PPP4R3A: variants seen among roughly 807,000 people sequenced by gnomAD.
The protein encoded by PPP4R3A is serine/threonine-protein phosphatase 4 regulatory subunit 3A.
PPP4R3A carries 15 observed loss-of-function variants against 91.7 expected under a neutral mutation model. The observed-to-expected ratio is 0.16, with a 90% CI of 0.11 to 0.25. The LOEUF is 0.25. Among genes scored for constraint, PPP4R3A ranks in the 10% least tolerant of loss-of-function variants. PPP4R3A has a pLI of 1.00. For synonymous variants in PPP4R3A, 377 were observed against 348.7 expected, an observed-to-expected ratio of 1.08 and a Z score of -0.91; for missense variants, 623 against 998.4, an observed-to-expected ratio of 0.62 and a Z score of 5.07.
intron 1 of PPP4R3A, among the ~76,000 whole-genome samples, chr14:91,507,394 T>TATAATTATA (rs1566660222): frequency 5.0e-5 from 3 of 59,668 alleles, no homozygotes; most frequent in Non-Finnish European, 7.2e-5. Context: ...ATATAGTATA[T>TATAATTATA]GTACTATAAT....
In PPP4R3A at chr14:91,460,637, C is replaced by CTTTTTTT. The variant is rs573677740; in HGVS notation, c.2391+737_2391+743dup. On this transcript the variant is annotated intron_variant, in intron 14 of 14. Transcript: ENST00000554943. ...TACATTTTTTCTTAAGATTTTGTTC[C>CTTTTTTT]TTTTTTTTTTTTTTTTTTTGAGATG... 2.7e-4 allele frequency among the ~76,000 whole-genome samples: 30 copies of CTTTTTTT among 111,280 alleles called. 2 individuals are homozygous for CTTTTTTT. The highest frequency in any genetic ancestry group is 9.6e-4 in the Admixed American group (9 of 9,374). 73.0% of individuals were successfully genotyped at this position (111,280 alleles called of 152,430 possible).
rs1567144474 is a variant in PPP4R3A at position 91,462,170 on chromosome 14, C to T, written c.2043G>A (p.Met681Ile). ...DARTLEDEEE[M>I]WFNTDEDDME... Reference sequence around the variant, plus strand: ...TGTCATCTTCATCTGTGTTAAACCACATCTCTTCTTCATCTTCTAGTGTTC... The same window carrying T: ...TGTCATCTTCATCTGTGTTAAACCATATCTCTTCTTCATCTTCTAGTGTTC... The change falls in exon 13 of 15, where the codon ATG becomes ATA. Residue 681 changes from methionine (M) to isoleucine (I), a missense_variant. Physicochemically the swap from Met to Ile is conservative, Grantham distance 10. Coordinates refer to ENST00000554943, the MANE Select transcript of PPP4R3A (RefSeq NM_001366432.2). The T allele has an allele frequency of 6.2e-7, 1 of 1,608,678 alleles. No individual in the cohort carries two copies. Among genetic ancestry groups the T allele is most frequent in the Non-Finnish European group, 8.5e-7 (1 of 1,178,272 alleles).
intron 14 of PPP4R3A, 44 bp from the exon 15 acceptor site, chr14:91,458,913 T>C (rs746633928): frequency 5.9e-6 from 9 of 1,531,992 alleles, no homozygotes; most frequent in African/African-American, 2.8e-5. Flanking sequence ...AAATAAAACA[T>C]ATAAAAACAC....
intron 14 of PPP4R3A, among the ~76,000 whole-genome samples, chr14:91,459,145 C>G (rs776414654): frequency 5.9e-5 from 9 of 152,092 alleles, no homozygotes; most frequent in Non-Finnish European, 1.2e-4. Context: ...CGCTATGTCA[C>G]CCAGGCTGGA....
chr14:91,479,656 G>A (rs931171137), intron 4 of PPP4R3A, among the ~76,000 whole-genome samples: 6 of 151,838 alleles, frequency 4.0e-5, no homozygotes, highest in Admixed American at 3.3e-4. Context: ...TGATTCTCTC[G>A]TCTCAGCCTC....
At chr14:91,480,895 T>G (rs1275451238) in intron 4 of PPP4R3A, among the ~76,000 whole-genome samples, 1 of 151,810 alleles carries the variant, frequency 6.6e-6, no homozygotes, top group Non-Finnish European at 1.5e-5. Flanking sequence ...AAAAGGTGGC[T>G]ATGGTAGCAT....
Position 91,461,594 on chromosome 14 carries a change from C to T in PPP4R3A, c.2178G>A (p.Glu726=). ...FMERKKLKES[E]EKEVLLKTNL... ...TTGTTTTCAGAAGCACTTCCTTTTCCTCACTTTCTTTTACTAAAAATGAGA... is the reference window on the plus strand; with the variant it reads ...TTGTTTTCAGAAGCACTTCCTTTTCTTCACTTTCTTTTACTAAAAATGAGA... Residue 726 remains glutamate (E), a synonymous_variant, in exon 14 of 15, where the codon GAG becomes GAA. Transcript: ENST00000554943. The T allele has an allele frequency of 1.9e-6, 3 of 1,613,798 alleles. No homozygotes were observed. Among genetic ancestry groups the T allele is most frequent in the Non-Finnish European group, 2.5e-6 (3 of 1,179,852 alleles).
At chr14:91,480,985 T>C (rs1255070797) in intron 4 of PPP4R3A, among the ~76,000 whole-genome samples, 1 of 151,788 alleles carries the variant, frequency 6.6e-6, no homozygotes, top group Non-Finnish European at 1.5e-5. Flanking sequence ...CAATAAGCTA[T>C]GGCTGTGCCA....
At chr14:91,507,505 G>GTTATATATACTATATATAATATATA (rs1356425577) in intron 1 of PPP4R3A, among the ~76,000 whole-genome samples, 1 of 87,070 alleles carries the variant, frequency 1.1e-5, no homozygotes, top group Non-Finnish European at 2.2e-5. Context: ...TAGAATATAT[G>GTTATATATACTATATATAATATATA]CTATAATTAT....
rs1271065178 is a variant in PPP4R3A, at chr14:91,457,702, T to TC, written c.*1056dup. ...AATTTTGATTTAATGTACCGTCATT[T>TC]CCCCAAGAAAAGAAATTTCAGAATC... On this transcript the variant is annotated 3_prime_UTR_variant, in exon 15 of 15. Transcript: ENST00000554943. 6.6e-6 allele frequency: 1 copy of TC among 152,632 alleles called. No homozygotes were observed. Among genetic ancestry groups the TC allele is most frequent in the Non-Finnish European group, 1.5e-5 (1 of 68,026 alleles). The allele number at this position is 152,632 out of a possible 1,614,324, so 9.5% of individuals were successfully genotyped here.
chr14:91,493,335 G>A (rs924191124), intron 1 of PPP4R3A, among the ~76,000 whole-genome samples: 2 of 150,050 alleles, frequency 1.3e-5, no homozygotes, highest in African/African-American at 2.5e-5. Flanking sequence ...GAAAAAGAAA[G>A]AAAAAATAAA....
In PPP4R3A at chr14:91,461,471, A is replaced by G; in HGVS notation, c.2301T>C (p.Gly767=). Residue 767 remains glycine, a synonymous_variant, in exon 14 of 15, where the codon GGT becomes GGC. Coordinates refer to ENST00000554943, the MANE Select transcript of PPP4R3A (RefSeq NM_001366432.2). ...CTGGGGATCCAGGTGATCCCGGAGA[A>G]CCAGGCAGATTTGTTGTAGATGACT... is the stretch of plus-strand genomic sequence containing the variant. ...TSQSSTTNLP[G]SPGSPGSPGS... 1 of 1,614,166 alleles carries G rather than the reference A, an allele frequency of 6.2e-7. No homozygotes were observed. The highest frequency in any genetic ancestry group is 8.5e-7 in the Non-Finnish European group (1 of 1,180,040).
intron 1 of PPP4R3A, among the ~76,000 whole-genome samples, chr14:91,498,955 A>G (rs907805469): frequency 1.4e-5 from 2 of 144,080 alleles, no homozygotes; most frequent in Admixed American, 7.0e-5. Context: ...TAATTTTTTT[A>G]TTTTTATTTT....
At chr14:91,487,623 A>AACCAT (rs1413092762) in intron 2 of PPP4R3A, among the ~76,000 whole-genome samples, 1 of 152,244 alleles carries the variant, frequency 6.6e-6, no homozygotes, top group Non-Finnish European at 1.5e-5. Flanking sequence ...CTGTATTGAG[A>AACCAT]AGGAAAGATG....
At chr14:91,464,481 C>T (rs1888360114) in intron 11 of PPP4R3A, among the ~76,000 whole-genome samples, 1 of 152,124 alleles carries the variant, frequency 6.6e-6, no homozygotes. Flanking sequence ...AAAAGCACGA[C>T]ATCCAGGTAC....
chr14:91,486,515 GTTT>G (rs2053654595), intron 2 of PPP4R3A, among the ~76,000 whole-genome samples: 1 of 152,096 alleles, frequency 6.6e-6, no homozygotes, highest in Admixed American at 6.6e-5. Context: ...CAGTTCAACA[GTTT>G]TTATTAAGAT....
chr14:91,482,206 A>G lies in PPP4R3A; in HGVS notation c.298-13T>C. 1 of 1,568,580 alleles carries G rather than the reference A, an allele frequency of 6.4e-7. No individual in the cohort carries two copies. The highest frequency in any genetic ancestry group is 1.2e-5 in the South Asian group (1 of 84,510). On this transcript the variant is annotated splice_polypyrimidine_tract_variant and intron_variant, in intron 3 of 14. Coordinates refer to ENST00000554943, the MANE Select transcript of PPP4R3A (RefSeq NM_001366432.2). ...CCTTTCCTTGAACCTATGAAAAAAA[A>G]TTTAATTGCTGACAAAATAGATAAC...
intron 9 of PPP4R3A, among the ~76,000 whole-genome samples, chr14:91,472,363 T>C (rs972743788): frequency 1.3e-5 from 2 of 152,132 alleles, no homozygotes; most frequent in African/African-American, 2.4e-5. Context: ...TTCACCAGTG[T>C]AGATGCAAAC....
chr14:91,471,767 A>G (rs183695053), intron 9 of PPP4R3A, among the ~76,000 whole-genome samples: 51 of 152,308 alleles, frequency 3.3e-4, no homozygotes, highest in Admixed American at 2.4e-3. Context: ...TAATTATGCT[A>G]TATTAAGAAT....
Sources: allele counts gnomAD v4.1 joint callset (sites outside exome capture counted in the v4.1 genomes callset), GRCh38; gene constraint gnomAD v4.1.1; transcripts MANE v1.5; gene names NCBI Gene and HGNC (gene_info 2026-07-23, HGNC 2026-07-21).